Variants in GABRP observed in about 807,000 individuals in gnomAD.
The protein encoded by GABRP is gamma-aminobutyric acid receptor subunit pi.
Under a neutral mutation model 47.8 loss-of-function variants are expected in GABRP, and 52 were observed. The ratio of observed to expected loss-of-function variants is 1.09; its 90% CI spans 0.87 to 1.37. GABRP has a LOEUF of 1.37. GABRP is among the 40% of genes most tolerant of loss of function. GABRP has a pLI of 0.00. For synonymous variants in GABRP, 221 were observed against 205.8 expected, an observed-to-expected ratio of 1.07 and a Z score of -0.63; for missense variants, 525 against 542.8, an observed-to-expected ratio of 0.97 and a Z score of 0.33.
intron 8 of GABRP, 108 bp downstream of exon 8, chr5:170,808,860 G>T: frequency 2.3e-6 from 2 of 887,148 alleles, no homozygotes; most frequent in Admixed American, 2.6e-5. Context: ...TCCAAGAGTT[G>T]TTTTCTTGGG....
intron 6 of GABRP, among the ~76,000 whole-genome samples, chr5:170,804,447 G>A (rs1475114298): frequency 1.3e-5 from 2 of 152,076 alleles, no homozygotes; most frequent in South Asian, 2.1e-4. Flanking sequence ...CTTTGTTACT[G>A]TTTCCCAAAG....
intron 9 of GABRP, chr5:170,810,047 T>G (rs1256593918): frequency 1.5e-6 from 1 of 674,806 alleles, no homozygotes; most frequent in Admixed American, 2.1e-5. Context: ...CCATGAAGAA[T>G]CCAATATGAA....
chr5:170,792,980 C>T (rs780846997), intron 3 of GABRP, among the ~76,000 whole-genome samples: 5 of 152,030 alleles, frequency 3.3e-5, no homozygotes, highest in Non-Finnish European at 4.4e-5. Flanking sequence ...GCTAGGATTA[C>T]GGAAGAGAGG....
intron 4 of GABRP, among the ~76,000 whole-genome samples, chr5:170,794,965 G>A (rs1052703185): frequency 6.7e-6 from 1 of 149,092 alleles, no homozygotes; most frequent in Admixed American, 6.6e-5. Flanking sequence ...AAGGCGATTT[G>A]TTCTCTTATT....
chr5:170,784,890 TA>T (rs1222276664), intron 1 of GABRP, among the ~76,000 whole-genome samples: 2 of 152,180 alleles, frequency 1.3e-5, no homozygotes, highest in Non-Finnish European at 2.9e-5. Context: ...AGGCTGCCCC[TA>T]CTCAGGAGCC....
chr5:170,783,460 A>G (rs1226415285), upstream of GABRP, among the ~76,000 whole-genome samples: 1 of 152,076 alleles, frequency 6.6e-6, no homozygotes, highest in Non-Finnish European at 1.5e-5. Flanking sequence ...GGGGTCACCC[A>G]CTTTATCTGA....
Position 170,812,475 on chromosome 5 carries a change from A to G in GABRP, c.*217A>G, listed in dbSNP as rs988753008. On this transcript the variant is annotated 3_prime_UTR_variant, in exon 10 of 10. Coordinates refer to ENST00000265294, the MANE Select transcript of GABRP (RefSeq NM_014211.3). ...GATCTTGTAATAGAAACATCAGTCC[A>G]TTCCTCTTTCATCTTAATCAAGGAC... 9.6e-6 allele frequency: 5 copies of G among 522,862 alleles called. No individual in the cohort carries two copies. The highest frequency in any genetic ancestry group is 5.7e-5 in the African/African-American group (3 of 52,630). 32.4% of individuals were successfully genotyped at this position (522,862 alleles called of 1,614,324 possible).
At chr5:170,807,521 A>G (rs533801221) in intron 7 of GABRP, among the ~76,000 whole-genome samples, 1 of 152,292 alleles carries the variant, frequency 6.6e-6, no homozygotes, top group East Asian at 1.9e-4. Context: ...TAAAACATTG[A>G]CTTTCAAAAT....
Position 170,797,533 on chromosome 5 carries a change from T to C in GABRP, c.526T>C (p.Leu176=), listed in dbSNP as rs779760841. The change falls in exon 6 of 10, where the codon TTG becomes CTG. Residue 176 remains leucine, a synonymous_variant. Transcript: ENST00000265294. The stretch of plus-strand genomic sequence containing the variant: ...CCCCATGGACACACAGACATGCAAG[T>C]TGCAGCTGGAAAGCTGTAAGTATAC... ...KYPMDTQTCK[L]QLESWGYDGN... is the part of the protein sequence containing the mutation. 1 of 1,609,518 alleles carries C rather than the reference T, an allele frequency of 6.2e-7. No homozygotes were observed. The highest frequency in any genetic ancestry group is 1.7e-5 in the Admixed American group (1 of 60,014).
intron 4 of GABRP, 78 bp from the exon 5 acceptor site, chr5:170,795,130 T>G: frequency 9.7e-7 from 1 of 1,027,542 alleles, no homozygotes; most frequent in Non-Finnish European, 1.5e-6. Context: ...GAGTAAACTT[T>G]GACCACTTTC....
intron 6 of GABRP, among the ~76,000 whole-genome samples, chr5:170,800,943 T>C (rs1046351464): frequency 6.6e-6 from 1 of 152,068 alleles, no homozygotes; most frequent in Non-Finnish European, 1.5e-5. Flanking sequence ...CAAGACACCA[T>C]CTCAAACAAA....
Position 170,789,252 on chromosome 5 carries a change from G to C in GABRP, c.172+5G>C. 6.4e-7 allele frequency: 1 copy of C among 1,563,292 alleles called. No homozygotes were observed. Among genetic ancestry groups the C allele is most frequent in the Non-Finnish European group, 8.8e-7 (1 of 1,134,060 alleles). On this transcript the variant is annotated splice_donor_5th_base_variant and intron_variant, in intron 3 of 9. Transcript: ENST00000265294. ...TTCTCAGGCCCAATTTTGGTGGTAG[G>C]TCATCCTCTGTGTCCAGGACATCAT...
chr5:170,805,854 G>A lies in GABRP; in HGVS notation c.679+1G>A, dbSNP rs781641550. On this transcript the variant is annotated splice_donor_variant, in intron 7 of 9. Transcript: ENST00000265294. LOFTEE classifies it high-confidence loss of function. ...GTCACCAGATCGCAGCAGGAGACAG[G>A]TAACTCATGTGACAAACTGTATGAA... 5 of 1,613,528 alleles carry A rather than the reference G, an allele frequency of 3.1e-6. No homozygotes were observed. In the African/African-American group the frequency reaches 6.7e-5, roughly 22 times the overall value.
Position 170,788,687 on chromosome 5 carries a change from A to G in GABRP, c.53+19A>G, listed in dbSNP as rs1231372516. 3 of 1,612,904 alleles carry G rather than the reference A, an allele frequency of 1.9e-6. No homozygotes were observed. Among genetic ancestry groups the G allele is most frequent in the South Asian group, 1.1e-5 (1 of 91,056 alleles). Reference sequence around the variant, plus strand: ...CTGAGAGGTGAGCTTTGCTACCCCCAGAATGGCCTCCATCTGCGTTGCTTT... The same window carrying G: ...CTGAGAGGTGAGCTTTGCTACCCCCGGAATGGCCTCCATCTGCGTTGCTTT... On this transcript the variant is annotated intron_variant, in intron 2 of 9. Coordinates refer to ENST00000265294, the MANE Select transcript of GABRP (RefSeq NM_014211.3).
intron 1 of GABRP, among the ~76,000 whole-genome samples, chr5:170,784,630 TAGAA>T (rs776481190): frequency 3.5e-4 from 54 of 152,230 alleles, no homozygotes; most frequent in Admixed American, 1.5e-3. Flanking sequence ...TATATAGAAA[TAGAA>T]AGAGCTTGAG....
Position 170,812,576 on chromosome 5 carries a change from T to C in GABRP, c.*318T>C, listed in dbSNP as rs922428745. ...GGCTCCCTGGTTTGCATTTACCTCA[T>C]ATAAAGAATGGGAAGGAGACCATTG... On this transcript the variant is annotated 3_prime_UTR_variant, in exon 10 of 10. Transcript: ENST00000265294. 1.2e-5 allele frequency: 3 copies of C among 250,668 alleles called. No homozygotes were observed. Among genetic ancestry groups the C allele is most frequent in the Non-Finnish European group, 1.5e-5 (2 of 129,238 alleles). The allele number at this position is 250,668 out of a possible 1,614,324, so 15.5% of individuals were successfully genotyped here.
chr5:170,799,486 G>A (rs1266441888), intron 6 of GABRP, among the ~76,000 whole-genome samples: 1 of 152,206 alleles, frequency 6.6e-6, no homozygotes, highest in East Asian at 1.9e-4. Flanking sequence ...ACTGCTATGA[G>A]ATGATATCTC....
At chr5:170,792,866 G>A (rs549176922) in intron 3 of GABRP, among the ~76,000 whole-genome samples, 1 of 152,128 alleles carries the variant, frequency 6.6e-6, no homozygotes, top group Non-Finnish European at 1.5e-5. Flanking sequence ...CCTGGTTAAT[G>A]CATTATCACA....
intron 9 of GABRP, chr5:170,810,165 A>C (rs1765844652): frequency 2.2e-6 from 1 of 445,394 alleles, no homozygotes; most frequent in South Asian, 5.6e-5. Context: ...CTTTACTGAA[A>C]AATGTATGGA....
Sources: allele counts gnomAD v4.1 joint callset (sites outside exome capture counted in the v4.1 genomes callset), GRCh38; gene constraint gnomAD v4.1.1; transcripts MANE v1.5; gene names NCBI Gene and HGNC (gene_info 2026-07-23, HGNC 2026-07-21).